Variants in RBFOX1 observed in about 807,000 individuals in gnomAD.
The protein encoded by RBFOX1 is RNA binding fox-1 homolog 1, also known as RNA binding protein fox-1 homolog 1.
RBFOX1 carries 8 observed loss-of-function variants against 57.7 expected under a neutral mutation model. The observed-to-expected ratio is 0.14, with a 90% CI of 0.08 to 0.25. The LOEUF (loss-of-function observed/expected upper bound fraction) is 0.25. RBFOX1 is among the 10% of genes least tolerant of loss of function. The pLI, the probability that RBFOX1 is intolerant of heterozygous loss-of-function variation, is 1.00. For synonymous variants in RBFOX1, 326 were observed against 222.4 expected (o/e 1.47, Z -4.15); for missense variants, 611 against 548.5 (o/e 1.11, Z -1.14).
intron 14 of RBFOX1, among the ~76,000 whole-genome samples, chr16:7,691,458 AAGG>A (rs2077313758): frequency 6.6e-6 from 1 of 151,808 alleles, no homozygotes; most frequent in Non-Finnish European, 1.5e-5. Flanking sequence ...GGAGAAAAGG[AAGG>A]AAAGGGTAGG....
intron 4 of RBFOX1, among the ~76,000 whole-genome samples, chr16:7,162,012 T>C (rs948654078): frequency 6.6e-6 from 1 of 152,288 alleles, no homozygotes; most frequent in Middle Eastern, 3.4e-3. Context: ...AGTAAGGTTT[T>C]CCCACTGGGG....
At chr16:6,768,649 TTAGTA>T in intron 3 of RBFOX1, among the ~76,000 whole-genome samples, 1 of 151,672 alleles carries the variant, frequency 6.6e-6, no homozygotes, top group African/African-American at 2.4e-5. Flanking sequence ...TATATATTCA[TTAGTA>T]TGCGTATGTA....
At chr16:7,578,575 G>A (rs903144249) in intron 5 of RBFOX1, among the ~76,000 whole-genome samples, 10 of 152,042 alleles carry the variant, frequency 6.6e-5, no homozygotes, top group East Asian at 1.9e-4. Context: ...GTCTTCTCTC[G>A]GTCGTTATTA....
In RBFOX1 at chr16:7,003,401, A is replaced by C. The variant is rs188797947; in HGVS notation, c.-15-48656A>C. 7.0e-4 allele frequency among the ~76,000 whole-genome samples: 106 copies of C among 152,044 alleles called. No homozygotes were observed. The East Asian group carries it at 0.019, about 27-fold the overall frequency. On this transcript the variant is annotated intron_variant, in intron 3 of 15. Coordinates refer to ENST00000550418, the MANE Select transcript of RBFOX1 (RefSeq NM_018723.4). ...CTTAGACCTGGGAGGCGGAGGTTGC[A>C]CTGAGCAGAGATTGCGCCACTGTAC...
At chr16:7,545,446 T>G (rs1046715623) in intron 5 of RBFOX1, among the ~76,000 whole-genome samples, 2 of 152,090 alleles carry the variant, frequency 1.3e-5, no homozygotes, top group Non-Finnish European at 2.9e-5. Flanking sequence ...TAGTCAGTAA[T>G]TCTAGGAGAC....
At chr16:6,894,667 T>A (rs562058166) in intron 3 of RBFOX1, among the ~76,000 whole-genome samples, 2 of 152,274 alleles carry the variant, frequency 1.3e-5, no homozygotes, top group South Asian at 4.1e-4. Flanking sequence ...TAGAGAAAAA[T>A]AAGAAACTGA....
intron 4 of RBFOX1, among the ~76,000 whole-genome samples, chr16:5,868,996 C>T (rs1261376229): frequency 1.3e-5 from 2 of 152,074 alleles, no homozygotes; most frequent in African/African-American, 4.8e-5. Context: ...GATGTATAGG[C>T]TATGATGATC....
intron 13 of RBFOX1, among the ~76,000 whole-genome samples, chr16:7,666,203 C>T (rs1035631391): frequency 5.3e-5 from 8 of 152,258 alleles, no homozygotes; most frequent in African/African-American, 1.9e-4. Flanking sequence ...TAAACCCAAT[C>T]ACCAGTCCTG....
In RBFOX1 at chr16:6,780,211, A is replaced by ATATATT. The variant is rs1555460821; in HGVS notation, c.-16+125566_-16+125567insTTATAT. Among the ~76,000 whole-genome samples, 3 of 45,382 alleles carry ATATATT rather than the reference A, an allele frequency of 6.6e-5. 1 individual carries two copies. Among genetic ancestry groups the ATATATT allele is most frequent in the African/African-American group, 3.1e-4 (2 of 6,506 alleles). The allele number at this position is 45,382 out of a possible 152,430, so 29.8% of individuals were successfully genotyped here. A position where few individuals can be genotyped will look rare whatever the true frequency, so the allele number is the denominator to read the frequency against. On this transcript the variant is annotated intron_variant, in intron 3 of 15. Transcript: ENST00000550418. Reference sequence around the variant, plus strand: ...TATATTTATATATTTTTATATATTTATATATATTTATATATATATTTATAT... The same window carrying ATATATT: ...TATATTTATATATTTTTATATATTTATATATTTATATATTTATATATATATTTATAT...
intron 4 of RBFOX1, among the ~76,000 whole-genome samples, chr16:7,256,249 C>T (rs1381695869): frequency 6.6e-6 from 1 of 152,200 alleles, no homozygotes; most frequent in Admixed American, 6.5e-5. Context: ...GTAACCCCTG[C>T]TCCCAAAAGC....
At chr16:5,797,137 G>T (rs1386480850) in intron 3 of RBFOX1, among the ~76,000 whole-genome samples, 2 of 152,186 alleles carry the variant, frequency 1.3e-5, no homozygotes, top group Non-Finnish European at 2.9e-5. Flanking sequence ...CTCTACAGTG[G>T]TGACATTGAC....
intron 2 of RBFOX1, among the ~76,000 whole-genome samples, chr16:6,637,513 GTATA>G (rs2098454862): frequency 3.5e-5 from 3 of 85,802 alleles, no homozygotes; most frequent in African/African-American, 4.5e-5. Flanking sequence ...ATTCTATATA[GTATA>G]TATAATATTC....
intron 5 of RBFOX1, among the ~76,000 whole-genome samples, chr16:7,523,032 T>G (rs2077859974): frequency 6.6e-6 from 1 of 152,180 alleles, no homozygotes; most frequent in Non-Finnish European, 1.5e-5. Flanking sequence ...TGGGTCTGCT[T>G]CTTTTGCTAT....
chr16:7,421,403 T>C (rs983909287), intron 4 of RBFOX1, among the ~76,000 whole-genome samples: 1 of 152,222 alleles, frequency 6.6e-6, no homozygotes, highest in African/African-American at 2.4e-5. Flanking sequence ...TCTAGGACTG[T>C]TTATATTCAG....
At position 6,874,338 on chromosome 16, in the gene RBFOX1, G is replaced by C. The variant is rs1436263935; in HGVS notation, c.-15-177719G>C. On this transcript the variant is annotated intron_variant, in intron 3 of 15. Coordinates refer to ENST00000550418, the MANE Select transcript of RBFOX1 (RefSeq NM_018723.4). ...CCAGCCTGGCCAACATGATGAAACT[G>C]CATCTCCACTAAAAATACAAAATTA... Among the ~76,000 whole-genome samples the C allele has an allele frequency of 1.3e-5, 2 of 151,664 alleles. 1 individual carries two copies. The highest frequency in any genetic ancestry group is 2.9e-5 in the Non-Finnish European group (2 of 67,902).
At chr16:6,687,602 C>T (rs1056425198) in intron 3 of RBFOX1, among the ~76,000 whole-genome samples, 1 of 152,164 alleles carries the variant, frequency 6.6e-6, no homozygotes, top group Non-Finnish European at 1.5e-5. Flanking sequence ...AACTTCAGGT[C>T]TAATAGTTCT....
rs1166146930 is a variant in RBFOX1 at position 5,726,082 on chromosome 16, T to A, written c.318+127121T>A. ...TTTTTCTTTTCTCCACTTTTATTAT[T>A]ATTTTTTTTAATAAAGCTTTTTCTT... On this transcript the variant is annotated intron_variant, in intron 3 of 19. Transcript: ENST00000641259. Among the ~76,000 whole-genome samples, 6 of 152,160 alleles carry A rather than the reference T, an allele frequency of 3.9e-5. No individual in the cohort carries two copies. In the South Asian group the frequency reaches 1.2e-3, roughly 32 times the overall value.
intron 3 of RBFOX1, among the ~76,000 whole-genome samples, chr16:6,946,015 C>G (rs1315866994): frequency 6.6e-6 from 1 of 152,182 alleles, no homozygotes; most frequent in African/African-American, 2.4e-5. Flanking sequence ...CCTCTGGAGC[C>G]CCCTTTGCCT....
intron 3 of RBFOX1, among the ~76,000 whole-genome samples, chr16:6,914,700 C>A (rs920528588): frequency 6.6e-6 from 1 of 152,158 alleles, no homozygotes; most frequent in Non-Finnish European, 1.5e-5. Context: ...ATAGCAAGAT[C>A]CCATCTGTAC....
Sources: allele counts gnomAD v4.1 joint callset (sites outside exome capture counted in the v4.1 genomes callset), GRCh38; gene constraint gnomAD v4.1.1; transcripts MANE v1.5; gene names NCBI Gene and HGNC (gene_info 2026-07-23, HGNC 2026-07-21).